Variants in NCKAP5 observed in about 807,000 individuals in gnomAD.
NCKAP5 encodes nck-associated protein 5.
A neutral mutation model predicts 167.0 loss-of-function variants in NCKAP5; 92 were observed. That is an observed-to-expected ratio of 0.55 (90% CI 0.47 to 0.66). The LOEUF (loss-of-function observed/expected upper bound fraction) is 0.66. Ranked by LOEUF, NCKAP5 falls within the 30% of genes least tolerant of loss-of-function variation. The pLI is 0.00. For synonymous variants in NCKAP5, 891 were observed against 877.4 expected (o/e 1.02, Z -0.27); for missense variants, 2,378 against 2,315.0 (o/e 1.03, Z -0.56).
intron 6 of NCKAP5, among the ~76,000 whole-genome samples, chr2:133,013,850 C>G (rs532792915): frequency 6.6e-6 from 1 of 152,238 alleles, no homozygotes; most frequent in South Asian, 2.1e-4. Flanking sequence ...ATTTTCCTGA[C>G]TGACAATGAT....
At chr2:133,527,835 T>G (rs1419971996) in intron 2 of NCKAP5, among the ~76,000 whole-genome samples, 2 of 151,916 alleles carry the variant, frequency 1.3e-5, no homozygotes, top group African/African-American at 4.8e-5. Flanking sequence ...GAGGTCAAGG[T>G]GGGAGGATCA....
the NCKAP5 span, among the ~76,000 whole-genome samples, chr2:133,639,355 A>G: frequency 6.6e-6 from 1 of 152,240 alleles, no homozygotes; most frequent in Non-Finnish European, 1.5e-5. Context: ...AGACAAGAAG[A>G]CATGACGATA....
At chr2:133,304,581 A>G (rs1680637836) in intron 3 of NCKAP5, among the ~76,000 whole-genome samples, 1 of 152,248 alleles carries the variant, frequency 6.6e-6, no homozygotes, top group South Asian at 2.1e-4. Context: ...AGGCTAAACC[A>G]TGATTTAGAA....
chr2:132,732,648 T>C (rs1199883967), intron 16 of NCKAP5, among the ~76,000 whole-genome samples: 1 of 152,216 alleles, frequency 6.6e-6, no homozygotes, highest in African/African-American at 2.4e-5. Flanking sequence ...CAAATTGTGG[T>C]CACCCTTATT....
intron 4 of NCKAP5, among the ~76,000 whole-genome samples, chr2:133,232,864 T>C (rs1246428359): frequency 6.6e-6 from 1 of 152,198 alleles, no homozygotes; most frequent in East Asian, 1.9e-4. Flanking sequence ...AAGAATAACA[T>C]CTTGATAAGA....
intron 16 of NCKAP5, among the ~76,000 whole-genome samples, chr2:132,743,138 T>C (rs1157268451): frequency 1.3e-5 from 2 of 151,862 alleles, no homozygotes; most frequent in Non-Finnish European, 3.0e-5. Context: ...GAATTTGATC[T>C]CTGAATCAAG....
intron 1 of NCKAP5, among the ~76,000 whole-genome samples, chr2:133,560,605 G>A (rs1223927003): frequency 6.6e-6 from 1 of 152,112 alleles, no homozygotes; most frequent in Non-Finnish European, 1.5e-5. Context: ...AAGAGGAGCT[G>A]GAAACAAGCC....
rs146254721 is a variant in NCKAP5 at position 133,491,603 on chromosome 2, T to C, written c.69+25855A>G. The stretch of plus-strand genomic sequence containing the variant: ...ATATTCTATATGTTAACAGATAGAA[T>C]ATTACTCCTTTCCCAGAATACATCA... On this transcript the variant is annotated intron_variant, in intron 3 of 19. Transcript: ENST00000409261. Among the ~76,000 whole-genome samples, 963 of 152,340 alleles carry C rather than the reference T, an allele frequency of 6.3e-3. 7 individuals carry two copies. The highest frequency in any genetic ancestry group is 0.015 in the South Asian group (74 of 4,828).
chr2:133,105,715 G>A (rs754675706), intron 6 of NCKAP5, among the ~76,000 whole-genome samples: 4 of 152,318 alleles, frequency 2.6e-5, no homozygotes, highest in South Asian at 2.1e-4. Flanking sequence ...AGTGAGTGCC[G>A]AGTGGTGTTC....
At chr2:133,612,182 T>C in the NCKAP5 span, among the ~76,000 whole-genome samples, 1 of 152,132 alleles carries the variant, frequency 6.6e-6, no homozygotes, top group Non-Finnish European at 1.5e-5. Context: ...AGGTAGAAAT[T>C]TGAAACCAGA....
intron 3 of NCKAP5, among the ~76,000 whole-genome samples, chr2:133,311,848 G>A (rs113069419): frequency 3.9e-5 from 6 of 152,258 alleles, no homozygotes; most frequent in African/African-American, 7.2e-5. Context: ...AGCAGAGACC[G>A]AATATATATA....
the NCKAP5 span, among the ~76,000 whole-genome samples, chr2:133,607,283 G>A: frequency 6.6e-6 from 1 of 152,220 alleles, no homozygotes; most frequent in Non-Finnish European, 1.5e-5. Context: ...CTAGATAGTG[G>A]AGGTGAGTTT....
At chr2:132,803,600 A>G (rs1685202858) in intron 11 of NCKAP5, among the ~76,000 whole-genome samples, 1 of 152,172 alleles carries the variant, frequency 6.6e-6, no homozygotes, top group African/African-American at 2.4e-5. Context: ...TAGACTGATG[A>G]CCAGAGCACC....
In NCKAP5 at chr2:132,723,981, A is replaced by G. The variant is rs189877890; in HGVS notation, c.5713+1646T>C. Among the ~76,000 whole-genome samples the G allele has an allele frequency of 2.9e-3, 447 of 152,164 alleles. 1 individual carries two copies. The highest frequency in any genetic ancestry group is 0.01 in the African/African-American group (431 of 41,514). On this transcript the variant is annotated intron_variant, in intron 19 of 19. Coordinates refer to ENST00000409261, the MANE Select transcript of NCKAP5 (RefSeq NM_207363.3). ...GGTTCTAGGGTTCTGGCCCCTTCTCATTTGGCCTCATCCATCAGGTTGCTC... is the reference window on the plus strand; with the variant it reads ...GGTTCTAGGGTTCTGGCCCCTTCTCGTTTGGCCTCATCCATCAGGTTGCTC...
intron 6 of NCKAP5, among the ~76,000 whole-genome samples, chr2:133,011,302 C>T (rs986010712): frequency 6.6e-6 from 1 of 152,160 alleles, no homozygotes; most frequent in Non-Finnish European, 1.5e-5. Context: ...GACAATAGTA[C>T]CTACGCTATA....
intron 6 of NCKAP5, among the ~76,000 whole-genome samples, chr2:133,093,583 G>A (rs76799968): frequency 0.029 from 4,339 of 152,182 alleles, 191 homozygotes; most frequent in African/African-American, 0.096. Flanking sequence ...ACACAGAACC[G>A]CTTCTCACTA....
At chr2:133,361,011 A>G (rs929882286) in intron 3 of NCKAP5, among the ~76,000 whole-genome samples, 5 of 151,314 alleles carry the variant, frequency 3.3e-5, no homozygotes, top group Non-Finnish European at 4.4e-5. Context: ...GGGCAGACCC[A>G]AGCAGGAGAC....
chr2:133,106,317 A>C (rs1313558659), intron 6 of NCKAP5, among the ~76,000 whole-genome samples: 1 of 151,466 alleles, frequency 6.6e-6, no homozygotes, highest in East Asian at 1.9e-4. Context: ...AAAAAGGAAA[A>C]CTACAGGAAG....
the NCKAP5 span, among the ~76,000 whole-genome samples, chr2:133,606,083 C>T: frequency 3.9e-5 from 6 of 152,140 alleles, no homozygotes; most frequent in Non-Finnish European, 5.9e-5. Context: ...GTAGTTCTCA[C>T]CTCAGCCTTG....
Sources: gnomAD v4.1 joint callset for allele counts (sites outside exome capture counted in the v4.1 genomes callset) on GRCh38, gnomAD v4.1.1 for gene constraint, MANE v1.5 for transcripts, NCBI Gene and HGNC (gene_info 2026-07-23, HGNC 2026-07-21) for gene names.